Variants in RUNDC3B observed in about 807,000 individuals in gnomAD.
RUNDC3B encodes the protein RUN domain containing 3B.
A neutral mutation model predicts 58.4 loss-of-function variants in RUNDC3B; 33 were observed. The observed-to-expected ratio is 0.56, with a 90% confidence interval of 0.43 to 0.75. The LOEUF is 0.75. Among genes scored for constraint, RUNDC3B ranks in the 30% least tolerant of loss-of-function variants. The pLI is 0.00. For synonymous variants in RUNDC3B, 193 were observed against 195.2 expected (o/e 0.99, Z 0.10); for missense variants, 501 against 535.7 (o/e 0.94, Z 0.64).
chr7:87,721,572 A>T (rs2130775854), intron 4 of RUNDC3B, among the ~76,000 whole-genome samples: 1 of 152,292 alleles, frequency 6.6e-6, no homozygotes, highest in African/African-American at 2.4e-5. Flanking sequence ...TGAGGACTAC[A>T]TTTGGACTAT....
chr7:87,703,063 A>C (rs996932744), intron 3 of RUNDC3B, among the ~76,000 whole-genome samples: 5 of 152,224 alleles, frequency 3.3e-5, no homozygotes, highest in Non-Finnish European at 5.9e-5. Flanking sequence ...TAGAAATTAC[A>C]GAATGAAACA....
chr7:87,757,820 T>A (rs1584122117), intron 6 of RUNDC3B, among the ~76,000 whole-genome samples: 1 of 151,992 alleles, frequency 6.6e-6, no homozygotes, highest in African/African-American at 2.4e-5. Context: ...TACAGACCAA[T>A]GGAACAGAAT....
At chr7:87,629,242 G>A in intron 1 of RUNDC3B, 1 of 314,092 alleles carries the variant, frequency 3.2e-6, no homozygotes, top group East Asian at 5.0e-5. Context: ...AGTGAAAGAG[G>A]AGGGCAAGGA....
intron 2 of RUNDC3B, among the ~76,000 whole-genome samples, chr7:87,695,396 CTT>C (rs1433079968): frequency 6.6e-6 from 1 of 152,002 alleles, no homozygotes; most frequent in African/African-American, 2.4e-5. Flanking sequence ...CAGTAAGAAA[CTT>C]GGGATTGCTG....
intron 8 of RUNDC3B, 56 bp downstream of exon 8, chr7:87,778,011 G>T: frequency 6.8e-7 from 1 of 1,472,364 alleles, no homozygotes; most frequent in Non-Finnish European, 9.2e-7. Flanking sequence ...AAGACAAAAT[G>T]TCGTGTTTTG....
At chr7:87,743,476 C>A (rs368874446) in intron 6 of RUNDC3B, among the ~76,000 whole-genome samples, 1 of 152,220 alleles carries the variant, frequency 6.6e-6, no homozygotes, top group East Asian at 1.9e-4. Flanking sequence ...ACACCAACAT[C>A]TACTGTTTTT....
rs1838096393 is a variant in RUNDC3B at position 87,830,937 on chromosome 7, T to A, written c.*907T>A. ...TACTTAATATATGTCTGATATTCAG[T>A]GCTGGTTCTTTTTCCTGTTTGTGCA... On this transcript the variant is annotated 3_prime_UTR_variant, in exon 11 of 11. Transcript: ENST00000394654. 1 of 151,770 alleles carries A rather than the reference T, an allele frequency of 6.6e-6. No homozygotes were observed. Among genetic ancestry groups the A allele is most frequent in the Non-Finnish European group, 1.5e-5 (1 of 67,816 alleles). The allele number at this position is 151,770 out of a possible 1,614,324, so 9.4% of individuals were successfully genotyped here.
intron 2 of RUNDC3B, among the ~76,000 whole-genome samples, chr7:87,679,215 C>A (rs963249573): frequency 6.7e-6 from 1 of 148,436 alleles, no homozygotes; most frequent in African/African-American, 2.5e-5. Flanking sequence ...GCCTCAGCCT[C>A]CCAAGAAGCT....
At chr7:87,801,166 A>C (rs1836129311) in intron 8 of RUNDC3B, among the ~76,000 whole-genome samples, 1 of 152,138 alleles carries the variant, frequency 6.6e-6, no homozygotes, top group Admixed American at 6.5e-5. Context: ...AGTTGTATAT[A>C]CATTATAGAG....
At position 87,720,542 on chromosome 7, in the gene RUNDC3B, ATGTG is replaced by A. The variant is rs3028189; in HGVS notation, c.458+9917_458+9920del. Reference sequence around the variant, plus strand: ...CAAATTTAAGCAGAAGATAGGATATATGTGTGTGTGTGTGTGTGTGTGTGTGTGT... The same window carrying A: ...CAAATTTAAGCAGAAGATAGGATATATGTGTGTGTGTGTGTGTGTGTGTGT... On this transcript the variant is annotated intron_variant, in intron 4 of 10. Transcript: ENST00000394654. Among the ~76,000 whole-genome samples, 794 of 144,858 alleles carry A rather than the reference ATGTG, an allele frequency of 5.5e-3. 3 individuals are homozygous for A. Among genetic ancestry groups the A allele is most frequent in the Middle Eastern group, 0.014 (4 of 288 alleles).
chr7:87,785,271 G>A (rs570428040), intron 8 of RUNDC3B, among the ~76,000 whole-genome samples: 6 of 152,006 alleles, frequency 3.9e-5, no homozygotes, highest in East Asian at 3.9e-4. Flanking sequence ...CAGAAGGTAC[G>A]ACTGGTCAAC....
chr7:87,694,306 T>C (rs981607083), intron 2 of RUNDC3B, among the ~76,000 whole-genome samples: 1 of 152,148 alleles, frequency 6.6e-6, no homozygotes, highest in Admixed American at 6.6e-5. Context: ...CAATAACTGC[T>C]TTTTCATTCT....
intron 7 of RUNDC3B, among the ~76,000 whole-genome samples, chr7:87,774,952 C>G (rs959127563): frequency 6.6e-6 from 1 of 152,058 alleles, no homozygotes; most frequent in Non-Finnish European, 1.5e-5. Flanking sequence ...CTAGCATATA[C>G]AATTATGGAA....
intron 7 of RUNDC3B, among the ~76,000 whole-genome samples, chr7:87,777,135 A>C (rs1472241797): frequency 1.3e-5 from 2 of 152,200 alleles, no homozygotes; most frequent in Non-Finnish European, 2.9e-5. Flanking sequence ...TTATTCCAAG[A>C]AGTCTTATAT....
intron 2 of RUNDC3B, among the ~76,000 whole-genome samples, chr7:87,674,159 T>G (rs892609533): frequency 3.3e-5 from 5 of 152,104 alleles, no homozygotes; most frequent in African/African-American, 7.2e-5. Context: ...TTCATCGAGG[T>G]GGTGGCAGTG....
At chr7:87,755,373 C>T (rs1052692599) in intron 6 of RUNDC3B, among the ~76,000 whole-genome samples, 1 of 152,130 alleles carries the variant, frequency 6.6e-6, no homozygotes, top group Non-Finnish European at 1.5e-5. Context: ...AGGAAAGACT[C>T]CTCCCCAACT....
At chr7:87,781,698 T>C (rs1239197142) in intron 8 of RUNDC3B, among the ~76,000 whole-genome samples, 1 of 152,118 alleles carries the variant, frequency 6.6e-6, no homozygotes, top group Non-Finnish European at 1.5e-5. Flanking sequence ...CATGAAGGGA[T>C]GTTGGATTTT....
At chr7:87,695,908 C>T (rs1047498258) in intron 2 of RUNDC3B, among the ~76,000 whole-genome samples, 10 of 151,898 alleles carry the variant, frequency 6.6e-5, no homozygotes, top group African/African-American at 1.9e-4. Flanking sequence ...AACATTGGAC[C>T]CTAGAGATCA....
intron 6 of RUNDC3B, among the ~76,000 whole-genome samples, chr7:87,770,152 C>T (rs1441500161): frequency 6.6e-6 from 1 of 152,068 alleles, no homozygotes; most frequent in Non-Finnish European, 1.5e-5. Context: ...TTATACCCCA[C>T]TGTTATTAGC....
Sources: allele counts gnomAD v4.1 joint callset (sites outside exome capture counted in the v4.1 genomes callset), GRCh38; gene constraint gnomAD v4.1.1; transcripts MANE v1.5; gene names NCBI Gene and HGNC (gene_info 2026-07-23, HGNC 2026-07-21).